The following CSMD1 variants were observed in gnomAD, a reference collection of about 807,000 sequenced individuals.
The protein encoded by CSMD1 is CUB and sushi domain-containing protein 1.
In CSMD1, 213 loss-of-function variants were observed where a neutral mutation model predicts 417.5. The ratio of observed to expected loss-of-function variants is 0.51; its 90% CI spans 0.46 to 0.57. The LOEUF (loss-of-function observed/expected upper bound fraction) is 0.57. CSMD1 is among the 20% of genes least tolerant of loss of function. CSMD1 has a pLI of 0.00. For synonymous variants in CSMD1, 2,862 were observed against 1,736.8 expected (o/e 1.65, Z -16.11); for missense variants, 6,923 against 4,529.7 (o/e 1.53, Z -15.17).
At chr8:4,271,080 T>G (rs1285978093) in intron 3 of CSMD1, among the ~76,000 whole-genome samples, 34 of 152,184 alleles carry the variant, frequency 2.2e-4, no homozygotes, top group Admixed American at 2.2e-3. Context: ...TTCAGAATGT[T>G]GAAGCTTTCA....
chr8:4,119,545 A>G (rs1376660832), intron 3 of CSMD1, among the ~76,000 whole-genome samples: 4 of 151,824 alleles, frequency 2.6e-5, no homozygotes, highest in African/African-American at 9.7e-5. Context: ...CCAAGTTTAG[A>G]TGAGGCCTTA....
intron 1 of CSMD1, among the ~76,000 whole-genome samples, chr8:4,719,685 AATTTG>A (rs768640614): frequency 9.2e-5 from 14 of 152,218 alleles, no homozygotes; most frequent in Non-Finnish European, 1.6e-4. Flanking sequence ...AGATGAAAGT[AATTTG>A]ATTTATGTAT....
At chr8:3,673,211 T>C (rs1029623856) in intron 7 of CSMD1, among the ~76,000 whole-genome samples, 1 of 152,218 alleles carries the variant, frequency 6.6e-6, no homozygotes, top group Admixed American at 6.5e-5. Context: ...TATGCCCCTG[T>C]GCATGAACCA....
Position 3,367,072 on chromosome 8 carries a change from G to A in CSMD1, c.3075C>T (p.Asp1025=). The A allele has an allele frequency of 1.9e-6, 3 of 1,613,832 alleles. No individual in the cohort carries two copies. The highest frequency in any genetic ancestry group is 2.5e-6 in the Non-Finnish European group (3 of 1,179,826). The part of the protein sequence containing the change: ...NFTAQLRFIS[D]FSISYEGFNI... ...TGAAGCCCTCGTACGAAATTGAGAA[G>A]TCTGATATAAACCGAAGCTGGGCAG... Residue 1025 remains aspartate, a synonymous_variant, in exon 20 of 70, where the codon GAC becomes GAT. Transcript: ENST00000635120.
At chr8:4,300,847 C>G (rs1340952149) in intron 3 of CSMD1, among the ~76,000 whole-genome samples, 1 of 152,150 alleles carries the variant, frequency 6.6e-6, no homozygotes, top group East Asian at 1.9e-4. Context: ...ATCCATGTCC[C>G]TACAAAGGAC....
chr8:3,327,162 A>T (rs901151362), intron 23 of CSMD1, among the ~76,000 whole-genome samples: 7 of 148,060 alleles, frequency 4.7e-5, no homozygotes, highest in African/African-American at 1.5e-4. Context: ...TTTTTTTTTG[A>T]AAGAGACTCT....
At chr8:4,604,485 C>G (rs1356909491) in intron 2 of CSMD1, among the ~76,000 whole-genome samples, 2 of 151,700 alleles carry the variant, frequency 1.3e-5, no homozygotes, top group African/African-American at 4.8e-5. Context: ...CGCTTCATTT[C>G]TTCTCGTGGT....
intron 2 of CSMD1, among the ~76,000 whole-genome samples, chr8:4,580,734 C>G (rs1171328053): frequency 2.0e-5 from 3 of 152,160 alleles, no homozygotes; most frequent in African/African-American, 7.2e-5. Context: ...TAAATCACCC[C>G]AAATCAATCT....
At chr8:3,414,879 C>T (rs568349844) in intron 12 of CSMD1, among the ~76,000 whole-genome samples, 4 of 152,124 alleles carry the variant, frequency 2.6e-5, no homozygotes, top group Non-Finnish European at 5.9e-5. Context: ...TCTGCGCTTG[C>T]TCGGGGATGG....
intron 12 of CSMD1, among the ~76,000 whole-genome samples, chr8:3,441,025 C>A (rs548248242): frequency 4.1e-4 from 62 of 152,168 alleles, no homozygotes; most frequent in Non-Finnish European, 7.5e-4. Flanking sequence ...GTTGGTGTCC[C>A]CACATCCAAA....
intron 2 of CSMD1, among the ~76,000 whole-genome samples, chr8:4,482,601 G>T (rs1023694441): frequency 6.6e-6 from 1 of 152,126 alleles, no homozygotes; most frequent in South Asian, 2.1e-4. Context: ...ATTCCTTTGG[G>T]TATACACCCA....
intron 5 of CSMD1, among the ~76,000 whole-genome samples, chr8:3,888,964 T>C (rs1806757034): frequency 6.6e-6 from 1 of 152,208 alleles, no homozygotes; most frequent in African/African-American, 2.4e-5. Context: ...TTGTATTATA[T>C]TTAAAGAAAC....
chr8:3,294,460 G>A (rs1040907495), intron 25 of CSMD1, among the ~76,000 whole-genome samples: 2 of 152,218 alleles, frequency 1.3e-5, no homozygotes, highest in African/African-American at 4.8e-5. Flanking sequence ...TTGAGCTGTG[G>A]TGGGCTCCAC....
intron 1 of CSMD1, among the ~76,000 whole-genome samples, chr8:4,881,426 T>A (rs900387525): frequency 2.7e-4 from 12 of 45,228 alleles, no homozygotes; most frequent in Admixed American, 1.3e-3. Context: ...TATCTATCTA[T>A]CTATCTATCT....
In CSMD1 at chr8:4,667,967, G is replaced by A. The variant is rs575609825; in HGVS notation, c.86-30409C>T. 1.4e-4 allele frequency among the ~76,000 whole-genome samples: 22 copies of A among 152,252 alleles called. No homozygotes were observed. The South Asian group carries it at 4.6e-3, about 32-fold the overall frequency. ...TGAAACAATTCTTTTACCTGCCATTGCATTTGTTAAAAATCTACAATATTT... is the reference window on the plus strand; with the variant it reads ...TGAAACAATTCTTTTACCTGCCATTACATTTGTTAAAAATCTACAATATTT... On this transcript the variant is annotated intron_variant, in intron 1 of 69. Coordinates refer to ENST00000635120, the MANE Select transcript of CSMD1 (RefSeq NM_033225.6).
intron 1 of CSMD1, among the ~76,000 whole-genome samples, chr8:4,716,123 T>C (rs1808638402): frequency 6.6e-6 from 1 of 152,098 alleles, no homozygotes; most frequent in Non-Finnish European, 1.5e-5. Context: ...CACAGAGCTG[T>C]GAGATGACCT....
At chr8:3,500,759 C>T (rs900896362) in intron 10 of CSMD1, among the ~76,000 whole-genome samples, 1 of 152,072 alleles carries the variant, frequency 6.6e-6, no homozygotes, top group Non-Finnish European at 1.5e-5. Context: ...CATGGATAAC[C>T]ATGGCAAGAA....
chr8:3,566,588 A>AG (rs1200195752), intron 10 of CSMD1, among the ~76,000 whole-genome samples: 1 of 114,616 alleles, frequency 8.7e-6, no homozygotes, highest in Admixed American at 9.6e-5. Flanking sequence ...TAGATTTTCA[A>AG]GAAAAAAAAA....
At chr8:4,216,049 G>A (rs534876274) in intron 3 of CSMD1, among the ~76,000 whole-genome samples, 3 of 152,202 alleles carry the variant, frequency 2.0e-5, no homozygotes, top group African/African-American at 4.8e-5. Context: ...GCACACCCAC[G>A]CCAGCCTATG....
Sources: allele counts gnomAD v4.1 joint callset (sites outside exome capture counted in the v4.1 genomes callset), GRCh38; gene constraint gnomAD v4.1.1; transcripts MANE v1.5; gene names NCBI Gene and HGNC (gene_info 2026-07-23, HGNC 2026-07-21).